Variants in CCDC138 observed in about 807,000 individuals in gnomAD.
The protein encoded by CCDC138 is coiled-coil domain-containing protein 138.
A neutral mutation model predicts 82.3 loss-of-function variants in CCDC138; 66 were observed. The ratio of observed to expected loss-of-function variants is 0.80; its 90% CI spans 0.66 to 0.98. The LOEUF (loss-of-function observed/expected upper bound fraction) is 0.98. CCDC138 is among the 50% of genes least tolerant of loss of function. The probability of loss-of-function intolerance (pLI) is 0.00; values close to 1 mark genes in which losing one functional copy is unlikely to be tolerated. For missense variants in CCDC138, 816 were observed against 758.9 expected, an observed-to-expected ratio of 1.08 and a Z score of -0.88; for synonymous variants, 297 against 265.4, an observed-to-expected ratio of 1.12 and a Z score of -1.16.
chr2:108,788,972 G>A lies in CCDC138; in HGVS notation c.266+6G>A. The A allele has an allele frequency of 1.9e-6, 3 of 1,613,758 alleles. No homozygotes were observed. The highest frequency in any genetic ancestry group is 1.7e-6 in the Non-Finnish European group (2 of 1,179,860). On this transcript the variant is annotated splice_donor_region_variant and intron_variant, in intron 3 of 14. Coordinates refer to ENST00000295124, the MANE Select transcript of CCDC138 (RefSeq NM_144978.3). ...AAGCACGTAAATGTGAATTGGTAAA[G>A]TACCCTGAAACTTTACTGTTGCTAC...
intron 11 of CCDC138, among the ~76,000 whole-genome samples, chr2:108,842,202 G>GT (rs11330697): frequency 6.0e-4 from 86 of 142,170 alleles, no homozygotes; most frequent in African/African-American, 8.5e-4. Flanking sequence ...TAATTAAAAA[G>GT]TTTTTTTTTT....
At chr2:108,806,744 A>C (rs1351097616) in intron 7 of CCDC138, among the ~76,000 whole-genome samples, 2 of 152,214 alleles carry the variant, frequency 1.3e-5, no homozygotes, top group Non-Finnish European at 2.9e-5. Context: ...GAAGAAAAAG[A>C]TATGTTATTT....
intron 7 of CCDC138, among the ~76,000 whole-genome samples, chr2:108,810,726 T>C (rs1213292969): frequency 6.6e-6 from 1 of 152,172 alleles, no homozygotes; most frequent in Admixed American, 6.6e-5. Flanking sequence ...AGTTTGAGAA[T>C]TGGTATTTGT....
At chr2:108,828,775 G>A (rs1376604689) in intron 10 of CCDC138, among the ~76,000 whole-genome samples, 2 of 152,144 alleles carry the variant, frequency 1.3e-5, no homozygotes, top group South Asian at 2.1e-4. Flanking sequence ...TCAGGAGTTC[G>A]AGACCAGCCT....
At chr2:108,798,328 C>G (rs936878314) in intron 5 of CCDC138, 100 bp from the exon 6 acceptor site, 282 of 1,375,954 alleles carry the variant, frequency 2.0e-4, no homozygotes, top group Non-Finnish European at 3.2e-5. Flanking sequence ...CCCTGTATTC[C>G]TGAAAACCAC....
intron 12 of CCDC138, among the ~76,000 whole-genome samples, chr2:108,856,544 T>C: frequency 6.6e-6 from 1 of 152,220 alleles, no homozygotes; most frequent in Non-Finnish European, 1.5e-5. Flanking sequence ...TTAAAAAATG[T>C]GGCTTGTTAT....
chr2:108,808,028 GTT>G (rs1461421500), intron 7 of CCDC138, among the ~76,000 whole-genome samples: 1 of 152,102 alleles, frequency 6.6e-6, no homozygotes, highest in South Asian at 2.1e-4. Context: ...AGATCAACTT[GTT>G]TTTTAGCTTC....
chr2:108,879,789 G>A (rs1696238544), downstream of CCDC138, among the ~76,000 whole-genome samples: 1 of 151,804 alleles, frequency 6.6e-6, no homozygotes, highest in Non-Finnish European at 1.5e-5. Context: ...GGAGTGAGAG[G>A]GAATTTGCAA....
intron 10 of CCDC138, among the ~76,000 whole-genome samples, chr2:108,816,436 G>A (rs1305962947): frequency 1.3e-5 from 2 of 152,136 alleles, no homozygotes; most frequent in Non-Finnish European, 2.9e-5. Flanking sequence ...GGGCAACAGA[G>A]CAAGACTCTG....
chr2:108,787,369 C>G (rs1679038675), intron 1 of CCDC138, among the ~76,000 whole-genome samples: 1 of 152,210 alleles, frequency 6.6e-6, no homozygotes, highest in Non-Finnish European at 1.5e-5. Flanking sequence ...TCTCCCCTTC[C>G]CTCCCTACAA....
intron 10 of CCDC138, among the ~76,000 whole-genome samples, chr2:108,823,532 G>A (rs1270163276): frequency 1.3e-5 from 2 of 152,158 alleles, no homozygotes; most frequent in Admixed American, 6.5e-5. Context: ...CCTACTACCA[G>A]CCTAGGCTAT....
rs117626893 is a variant in CCDC138 at position 108,793,589 on chromosome 2, T to G, written c.395-951T>G. Among the ~76,000 whole-genome samples the G allele has an allele frequency of 5.1e-3, 773 of 151,962 alleles. 4 individuals are homozygous for G. Among genetic ancestry groups the G allele is most frequent in the South Asian group, 0.021 (101 of 4,806 alleles). On this transcript the variant is annotated intron_variant, in intron 4 of 14. Transcript: ENST00000295124. ...TACTTATATACCCTCAGGAAACTTT[T>G]TTTTGTTTTGTTTTGTTTTTTTTTT...
chr2:108,808,294 TA>T (rs768354234), intron 7 of CCDC138, among the ~76,000 whole-genome samples: 187 of 152,356 alleles, frequency 1.2e-3, no homozygotes, highest in Non-Finnish European at 2.1e-3. Context: ...ATACTTTGGC[TA>T]TTGCAAATAC....
At chr2:108,856,718 T>C in intron 12 of CCDC138, 76 bp from the exon 13 acceptor site, 1 of 1,368,402 alleles carries the variant, frequency 7.3e-7, no homozygotes, top group South Asian at 1.3e-5. Context: ...GTAACGACAT[T>C]GCTTTTTTAC....
chr2:108,795,122 C>T (rs2149487710), intron 5 of CCDC138, among the ~76,000 whole-genome samples: 1 of 144,374 alleles, frequency 6.9e-6, no homozygotes, highest in Admixed American at 6.9e-5. Flanking sequence ...TTATTATCTG[C>T]CTTTCGGGTT....
intron 13 of CCDC138, 140 bp downstream of exon 13, chr2:108,857,110 C>T (rs1340470919): frequency 9.8e-6 from 4 of 408,886 alleles, no homozygotes; most frequent in African/African-American, 6.0e-5. Context: ...GATGGAGTCT[C>T]GCTTTGTCGT....
At chr2:108,803,524 G>A (rs928589777) in intron 6 of CCDC138, among the ~76,000 whole-genome samples, 9 of 152,164 alleles carry the variant, frequency 5.9e-5, no homozygotes, top group Admixed American at 4.6e-4. Context: ...CGTCATCATA[G>A]CTCACTGCAC....
At chr2:108,873,722 A>G in intron 14 of CCDC138, 133 bp downstream of exon 14, 1 of 576,460 alleles carries the variant, frequency 1.7e-6, no homozygotes, top group Non-Finnish European at 3.0e-6. Flanking sequence ...CACACATAAA[A>G]TACGCTAACA....
chr2:108,834,768 C>CT (rs1688303886), intron 10 of CCDC138, among the ~76,000 whole-genome samples: 1 of 152,210 alleles, frequency 6.6e-6, no homozygotes, highest in African/African-American at 2.4e-5. Context: ...CCTCCCTCCC[C>CT]TGTAGACCTT....
Sources: gnomAD v4.1 joint callset for allele counts (sites outside exome capture counted in the v4.1 genomes callset) on GRCh38, gnomAD v4.1.1 for gene constraint, MANE v1.5 for transcripts, NCBI Gene and HGNC (gene_info 2026-07-23, HGNC 2026-07-21) for gene names.